The following RLN2 variants were observed in gnomAD, a reference collection of about 807,000 sequenced individuals.
RLN2 encodes the protein relaxin 2.
A neutral mutation model predicts 7.3 loss-of-function variants in RLN2; 10 were observed. The observed-to-expected ratio is 1.36, with a 90% confidence interval of 0.84 to 2.31. The LOEUF is 2.31. RLN2 is among the 30% of genes most tolerant of loss of function. The pLI is 0.00. For missense variants in RLN2, 298 were observed against 217.6 expected, an observed-to-expected ratio of 1.37 and a Z score of -2.32; for synonymous variants, 103 against 82.3, an observed-to-expected ratio of 1.25 and a Z score of -1.36.
chr9:5,317,545 T>G, the RLN2 span, among the ~76,000 whole-genome samples: 7 of 149,090 alleles, frequency 4.7e-5, no homozygotes, highest in Non-Finnish European at 8.9e-5. Context: ...AAAGCCTATA[T>G]AGGTAAAGCA....
chr9:5,301,250 A>G (rs1816123180), intron 1 of RLN2, among the ~76,000 whole-genome samples: 1 of 152,176 alleles, frequency 6.6e-6, no homozygotes. Flanking sequence ...CTGTTCTTAC[A>G]CAGCATCCCA....
chr9:5,335,146 G>C, the RLN2 span: 2 of 623,224 alleles, frequency 3.2e-6, no homozygotes, highest in South Asian at 3.2e-5. Context: ...CATTAATAAA[G>C]ATTTCTTATA....
the RLN2 span, among the ~76,000 whole-genome samples, chr9:5,330,361 G>A: frequency 4.0e-3 from 615 of 151,876 alleles, 12 homozygotes; most frequent in African/African-American, 0.014. Flanking sequence ...TAGAGAGGCC[G>A]GGTGTGGTGG....
the RLN2 span, among the ~76,000 whole-genome samples, chr9:5,322,874 C>A: frequency 4.6e-5 from 7 of 151,916 alleles, no homozygotes; most frequent in Admixed American, 2.6e-4. Flanking sequence ...CAGAACAAGT[C>A]ATCCCAAAAT....
the RLN2 span, among the ~76,000 whole-genome samples, chr9:5,314,535 A>G: frequency 1.3e-5 from 2 of 152,134 alleles, no homozygotes; most frequent in Non-Finnish European, 2.9e-5. Context: ...CATCTCAGGG[A>G]TGAGATGACA....
rs761856707 is a variant in RLN2, at chr9:5,300,177, T to C, written c.479A>G (p.Lys160Arg). The change falls in exon 2 of 2, where the codon AAG (lysine) becomes AGG (arginine). Residue 160 changes from lysine (K) to arginine (R), a missense_variant. Physicochemically the swap from Lys to Arg is conservative, Grantham distance 26 (BLOSUM62 2). Coordinates refer to ENST00000381627, the MANE Select transcript of RLN2 (RefSeq NM_134441.3). The part of the protein sequence containing the change: ...YLGLDTHSRK[K>R]RQLYSALANK... Reference sequence around the variant, plus strand: ...AGCCAATGCACTGTAGAGTTGTCTCTTTTTTCGAGAATGAGTATCCAAGCC... The same window carrying C: ...AGCCAATGCACTGTAGAGTTGTCTCCTTTTTCGAGAATGAGTATCCAAGCC... 22 of 1,613,672 alleles carry C rather than the reference T, an allele frequency of 1.4e-5. No homozygotes were observed. Among genetic ancestry groups the C allele is most frequent in the African/African-American group, 2.7e-5 (2 of 74,894 alleles).
At chr9:5,305,729 C>G (rs192834463), upstream of RLN2, among the ~76,000 whole-genome samples, 38 of 152,076 alleles carry the variant, frequency 2.5e-4, 1 homozygote, top group African/African-American at 7.0e-4. Flanking sequence ...AAACTGGAGA[C>G]ATGCAGGACA....
the RLN2 span, among the ~76,000 whole-genome samples, chr9:5,323,524 T>C: frequency 6.6e-6 from 1 of 152,038 alleles, no homozygotes; most frequent in East Asian, 1.9e-4. Context: ...TCTTTAGAGT[T>C]GTGCATTTTT....
chr9:5,333,284 G>A, the RLN2 span, among the ~76,000 whole-genome samples: 2 of 151,768 alleles, frequency 1.3e-5, no homozygotes, highest in African/African-American at 4.9e-5. Flanking sequence ...CTACAACACT[G>A]ATAAAGAAGA....
chr9:5,335,260 T>C, the RLN2 span: 2 of 1,583,406 alleles, frequency 1.3e-6, no homozygotes, highest in African/African-American at 2.7e-5. Context: ...CTCAGCAATA[T>C]TTAGCAAGAG....
the RLN2 span, chr9:5,335,110 C>G: frequency 1.9e-6 from 1 of 531,872 alleles, no homozygotes; most frequent in Non-Finnish European, 3.2e-6. Flanking sequence ...AGAATATTTT[C>G]TTACACACCA....
At chr9:5,328,309 T>C in the RLN2 span, among the ~76,000 whole-genome samples, 1 of 151,900 alleles carries the variant, frequency 6.6e-6, no homozygotes, top group African/African-American at 2.4e-5. Flanking sequence ...AGAAAGGATA[T>C]CAGTGATTGA....
rs1827119705 is a variant in RLN2, at chr9:5,299,918, C to G, written c.*180G>C. 1 of 437,394 alleles carries G rather than the reference C, an allele frequency of 2.3e-6. No individual in the cohort carries two copies. Among genetic ancestry groups the G allele is most frequent in the African/African-American group, 2.0e-5 (1 of 49,406 alleles). 27.1% of individuals were successfully genotyped at this position (437,394 alleles called of 1,614,324 possible). Reference sequence around the variant, plus strand: ...ACACAAAGAACATTTTCTTACACATCAAATAAAAAAATCTAAACATCAACA... The same window carrying G: ...ACACAAAGAACATTTTCTTACACATGAAATAAAAAAATCTAAACATCAACA... On this transcript the variant is annotated 3_prime_UTR_variant, in exon 2 of 2. Coordinates refer to ENST00000381627, the MANE Select transcript of RLN2 (RefSeq NM_134441.3).
At chr9:5,325,027 C>T in the RLN2 span, among the ~76,000 whole-genome samples, 1 of 151,854 alleles carries the variant, frequency 6.6e-6, no homozygotes, top group Non-Finnish European at 1.5e-5. Context: ...CCCTCAAAAA[C>T]CCCAGAAACC....
At chr9:5,319,515 T>A in the RLN2 span, among the ~76,000 whole-genome samples, 4 of 151,996 alleles carry the variant, frequency 2.6e-5, no homozygotes, top group African/African-American at 9.7e-5. Flanking sequence ...AAATTCACCA[T>A]CCTCCAGTGG....
At chr9:5,313,615 T>C in the RLN2 span, among the ~76,000 whole-genome samples, 1 of 152,042 alleles carries the variant, frequency 6.6e-6, no homozygotes, top group Admixed American at 6.5e-5. Flanking sequence ...ATTTGATACA[T>C]GCATACATTG....
upstream of RLN2, among the ~76,000 whole-genome samples, chr9:5,305,300 G>C (rs1189857478): frequency 6.7e-6 from 1 of 148,536 alleles, no homozygotes; most frequent in African/African-American, 2.5e-5. Context: ...ATTGTAACTA[G>C]TTATCTGAAC....
In RLN2 at chr9:5,300,076, G is replaced by A. The variant is rs79490912; in HGVS notation, c.*22C>T. The A allele has an allele frequency of 1.4e-3, 2,025 of 1,420,998 alleles. 26 individuals are homozygous for A. In the African/African-American group the frequency reaches 0.025, roughly 18 times the overall value. 88.0% of individuals were successfully genotyped at this position (1,420,998 alleles called of 1,614,324 possible). Reference sequence around the variant, plus strand: ...AAGAATATGTGTGAATATTATACGAGATGTGCACAATTAGCTTCATCTCAG... The same window carrying A: ...AAGAATATGTGTGAATATTATACGAAATGTGCACAATTAGCTTCATCTCAG... On this transcript the variant is annotated 3_prime_UTR_variant, in exon 2 of 2. Coordinates refer to ENST00000381627, the MANE Select transcript of RLN2 (RefSeq NM_134441.3).
chr9:5,335,703 A>C, the RLN2 span: 3 of 682,288 alleles, frequency 4.4e-6, no homozygotes, highest in South Asian at 6.0e-5. Context: ...GCATTGCCTC[A>C]ATATAAATTA....
Sources: gnomAD v4.1 joint callset for allele counts (sites outside exome capture counted in the v4.1 genomes callset) on GRCh38, gnomAD v4.1.1 for gene constraint, MANE v1.5 for transcripts, NCBI Gene and HGNC (gene_info 2026-07-23, HGNC 2026-07-21) for gene names.